Variants in SLC8A2 observed in about 807,000 individuals in gnomAD.
SLC8A2 encodes sodium/calcium exchanger 2.
A neutral mutation model predicts 70.2 loss-of-function variants in SLC8A2; 14 were observed. The ratio of observed to expected loss-of-function variants is 0.20; its 90% CI spans 0.13 to 0.31. The LOEUF is 0.31. SLC8A2 is among the 10% of genes least tolerant of loss of function. The pLI is 1.00. For missense variants in SLC8A2, 779 were observed against 1,320.1 expected (o/e 0.59, Z 6.35); for synonymous variants, 575 against 594.3 (o/e 0.97, Z 0.47).
chr19:47,462,839 C>T (rs1455112490), intron 2 of SLC8A2, among the ~76,000 whole-genome samples: 1 of 152,156 alleles, frequency 6.6e-6, no homozygotes, highest in Non-Finnish European at 1.5e-5. Context: ...CCATCCACTT[C>T]GACCTCCCAA....
intron 2 of SLC8A2, among the ~76,000 whole-genome samples, chr19:47,462,360 G>C (rs1967406222): frequency 1.3e-5 from 2 of 152,208 alleles, no homozygotes; most frequent in East Asian, 3.9e-4. Context: ...CGCCTCCCGG[G>C]TTCAAGCGAT....
Position 47,447,534 on chromosome 19 carries a change from T to A in SLC8A2, c.1763+275A>T. 1 of 487,692 alleles carries A rather than the reference T, an allele frequency of 2.1e-6. No individual in the cohort carries two copies. The highest frequency in any genetic ancestry group is 3.6e-6 in the Non-Finnish European group (1 of 277,100). 30.2% of individuals were successfully genotyped at this position (487,692 alleles called of 1,614,324 possible). On this transcript the variant is annotated intron_variant, in intron 4 of 9. Transcript: ENST00000236877. This position sits in a 1 kb window ranked among gnomAD's most constrained non-coding sequence, Gnocchi z 5.1. Reference sequence around the variant, plus strand: ...ACACAGCACACCTAGGCCCCGCCCCTCCCGAGGCCAAGCCCACTTTGGAGA... The same window carrying A: ...ACACAGCACACCTAGGCCCCGCCCCACCCGAGGCCAAGCCCACTTTGGAGA...
At chr19:47,462,973 C>T (rs868144584) in intron 2 of SLC8A2, among the ~76,000 whole-genome samples, 1 of 152,134 alleles carries the variant, frequency 6.6e-6, no homozygotes, top group African/African-American at 2.4e-5. Flanking sequence ...CTACCTGCTC[C>T]TCTGCCTAGA....
chr19:47,454,859 G>A (rs1174469443), intron 3 of SLC8A2, among the ~76,000 whole-genome samples: 1 of 152,194 alleles, frequency 6.6e-6, no homozygotes, highest in Non-Finnish European at 1.5e-5. Context: ...GCCGAGGCGG[G>A]TGGATCACCT....
intron 3 of SLC8A2, among the ~76,000 whole-genome samples, chr19:47,452,438 GA>G: frequency 2.2e-5 from 2 of 90,062 alleles, no homozygotes; most frequent in African/African-American, 4.6e-5. Context: ...GAGAGAGAGA[GA>G]GAGAGAGTGT....
chr19:47,441,642 G>A (rs904153281), intron 4 of SLC8A2, among the ~76,000 whole-genome samples: 4 of 152,166 alleles, frequency 2.6e-5, no homozygotes, highest in African/African-American at 9.7e-5. Flanking sequence ...CCAGGCACTG[G>A]TGAGGAAGCT....
intron 1 of SLC8A2, among the ~76,000 whole-genome samples, chr19:47,470,823 A>C (rs1967527291): frequency 6.6e-6 from 1 of 152,048 alleles, no homozygotes; most frequent in African/African-American, 2.4e-5. Flanking sequence ...GCCAGAAACA[A>C]GGCAGGGGGA....
chr19:47,467,881 C>T (rs1374811251), intron 1 of SLC8A2, among the ~76,000 whole-genome samples: 7 of 148,838 alleles, frequency 4.7e-5, no homozygotes, highest in Non-Finnish European at 7.4e-5. Context: ...GTGGCGTGTG[C>T]CTATAATCTC....
chr19:47,443,412 G>C (rs1967121825), intron 4 of SLC8A2, among the ~76,000 whole-genome samples: 1 of 152,156 alleles, frequency 6.6e-6, no homozygotes, highest in African/African-American at 2.4e-5. Flanking sequence ...CAACTCTTTA[G>C]GCTGTAGGAA....
At position 47,457,224 on chromosome 19, in the gene SLC8A2, C is replaced by G; in HGVS notation, c.1046G>C (p.Ser349Thr). Residue 349 changes from serine (S) to threonine (T), a missense_variant, in exon 3 of 10, where the codon AGC becomes ACC. Physicochemically the swap from Ser to Thr is moderately conservative, Grantham distance 58. Transcript: ENST00000236877. ...NYYALLHQQKSRAFYRIQATR... is the reference protein window; with the variant it reads ...NYYALLHQQKTRAFYRIQATR... ...GGCCTGGATGCGGTAGAAGGCGCGG[C>G]TCTTCTGCTGGTGCAGCAGCGCGTA... The G allele has an allele frequency of 1.3e-6, 2 of 1,546,406 alleles. No homozygotes were observed. Among genetic ancestry groups the G allele is most frequent in the Non-Finnish European group, 1.7e-6 (2 of 1,145,576 alleles).
In SLC8A2 at chr19:47,457,531, C is replaced by T. The variant is rs1236975349; in HGVS notation, c.739G>A (p.Asp247Asn). 3.1e-6 allele frequency: 5 copies of T among 1,602,500 alleles called. No individual in the cohort carries two copies. Among genetic ancestry groups the T allele is most frequent in the Non-Finnish European group, 4.3e-6 (5 of 1,175,710 alleles). ...PVCVVFAWMA[D>N]KRLLFYKYVY... is the part of the protein sequence containing the mutation. ...TACTTGTAGAAGAGCAGCCGCTTGT[C>T]GGCCATCCAGGCGAATACCACGCAC... Residue 247 changes from aspartate to asparagine, a missense_variant, in exon 3 of 10, where the codon GAC (aspartate) becomes AAC (asparagine). This residue lies in a region of SLC8A2 where 155 missense variants were observed against 318.6 expected (regional missense o/e 0.49). Transcript: ENST00000236877.
At chr19:47,454,679 G>C (rs1389369068) in intron 3 of SLC8A2, among the ~76,000 whole-genome samples, 1 of 152,168 alleles carries the variant, frequency 6.6e-6, no homozygotes, top group Non-Finnish European at 1.5e-5. Flanking sequence ...CTGAGGTGGA[G>C]GGAAAGACCT....
In SLC8A2 at chr19:47,457,188, A is replaced by G. The variant is rs1449333991; in HGVS notation, c.1082T>C (p.Met361Thr). 6.5e-7 allele frequency: 1 copy of G among 1,545,164 alleles called. No homozygotes were observed. Residue 361 changes from methionine to threonine, a missense_variant, in exon 3 of 10, where the codon ATG becomes ACG. Around this residue, in one of 6 missense-constraint regions of SLC8A2, gnomAD observed 186 missense variants for 246.6 expected, o/e 0.75. Coordinates refer to ENST00000236877, the MANE Select transcript of SLC8A2 (RefSeq NM_015063.3). ...GCGCAGCACGTTCCCGGCGCCGGTC[A>G]TCAGCCGCGTGGCCTGGATGCGGTA... The part of the protein sequence containing the change: ...AFYRIQATRL[M>T]TGAGNVLRRH...
At chr19:47,434,495 T>C (rs1967001921) in intron 8 of SLC8A2, among the ~76,000 whole-genome samples, 1 of 152,236 alleles carries the variant, frequency 6.6e-6, no homozygotes, top group Non-Finnish European at 1.5e-5. Context: ...ACCTGCTTCA[T>C]GGGAAACTTG....
chr19:47,441,827 G>T (rs1967103348), intron 4 of SLC8A2, among the ~76,000 whole-genome samples: 1 of 152,192 alleles, frequency 6.6e-6, no homozygotes, highest in African/African-American at 2.4e-5. Flanking sequence ...AAATAGGCCG[G>T]GCACGGTGGC....
Position 47,430,047 on chromosome 19 carries a change from T to C in SLC8A2, c.*42A>G, listed in dbSNP as rs1966932040. The C allele has an allele frequency of 1.3e-6, 2 of 1,542,384 alleles. No homozygotes were observed. Among genetic ancestry groups the C allele is most frequent in the East Asian group, 2.4e-5 (1 of 41,660 alleles). ...CCAAGAGCAGGTGCAGCCGAGTCCC[T>C]AGCCCCGGGCGGGCGGTGGGGACGA... On this transcript the variant is annotated 3_prime_UTR_variant, in exon 10 of 10. Coordinates refer to ENST00000236877, the MANE Select transcript of SLC8A2 (RefSeq NM_015063.3). The surrounding 1 kb of genome is among the most constrained non-coding windows in gnomAD (Gnocchi z 5.9).
chr19:47,456,885 G>A (rs950236302), intron 3 of SLC8A2, 45 bp downstream of exon 3: 2 of 1,513,754 alleles, frequency 1.3e-6, no homozygotes, highest in Non-Finnish European at 1.8e-6. Flanking sequence ...CGGGACCCAC[G>A]GCCTGCGCCA....
intron 1 of SLC8A2, among the ~76,000 whole-genome samples, chr19:47,470,615 G>A (rs1475992155): frequency 6.6e-6 from 1 of 152,210 alleles, no homozygotes; most frequent in African/African-American, 2.4e-5. Flanking sequence ...CCCAGAGCAG[G>A]AAAGGCGCTC....
intron 6 of SLC8A2, among the ~76,000 whole-genome samples, chr19:47,440,868 G>A (rs545568219): frequency 5.9e-5 from 9 of 152,206 alleles, no homozygotes; most frequent in African/African-American, 1.9e-4. Flanking sequence ...TGGGATTATA[G>A]GTGTGAGCCA....
Sources: gnomAD v4.1 joint callset for allele counts (sites outside exome capture counted in the v4.1 genomes callset) on GRCh38, gnomAD v4.1.1 for gene constraint, gnomAD v4.1.1 regional missense constraint, Gnocchi (gnomAD v3.1) non-coding constraint, MANE v1.5 for transcripts, NCBI Gene and HGNC (gene_info 2026-07-23, HGNC 2026-07-21) for gene names.